APOB: variants seen among roughly 807,000 people sequenced by gnomAD.
APOB encodes apolipoprotein B, also known as apolipoprotein B-100.
In APOB, 153 loss-of-function variants were observed where a neutral mutation model predicts 314.1. That is an observed-to-expected ratio of 0.49 (90% CI 0.43 to 0.56). The LOEUF (loss-of-function observed/expected upper bound fraction) is 0.56, where lower values mean the gene tolerates loss of function less well. Among genes scored for constraint, APOB ranks in the 20% least tolerant of loss-of-function variants. The pLI is 0.00. For synonymous variants in APOB, 2,087 were observed against 2,036.4 expected (o/e 1.02, Z -0.67); for missense variants, 5,430 against 5,350.7 (o/e 1.01, Z -0.46).
Position 21,012,507 on chromosome 2 carries a change from A to G in APOB, c.4361T>C (p.Ile1454Thr). ...GNNPVSKGLLIFDASSSWGPQ... is the reference protein window; with the variant it reads ...GNNPVSKGLLTFDASSSWGPQ... The stretch of plus-strand genomic sequence containing the variant: ...TCCCCAGGAACTAGATGCATCGAAT[A>G]TTAGTAAACCTTTTGAGACTGGGTT... The change falls in exon 26 of 29, where the codon ATA becomes ACA. Residue 1454 changes from isoleucine (I) to threonine (T), a missense_variant. By Grantham distance (89) the Ile-to-Thr change is moderately conservative (BLOSUM62 -1). This residue lies in a region of APOB where 2,085 missense variants were observed against 2,079.7 expected (regional missense o/e 1.00). Transcript: ENST00000233242. 1 of 1,614,234 alleles carries G rather than the reference A, an allele frequency of 6.2e-7. No homozygotes were observed. The highest frequency in any genetic ancestry group is 1.1e-5 in the South Asian group (1 of 91,080).
At chr2:21,019,985 C>T (rs1006445113) in intron 18 of APOB, 80 bp from the exon 19 acceptor site, 6 of 1,294,564 alleles carry the variant, frequency 4.6e-6, no homozygotes, top group African/African-American at 2.9e-5. Context: ...GGTGCAAATA[C>T]CCCCTTATCC....
chr2:21,022,258 G>A (rs891034195), intron 18 of APOB, among the ~76,000 whole-genome samples: 7 of 152,154 alleles, frequency 4.6e-5, no homozygotes, highest in African/African-American at 9.7e-5. Flanking sequence ...ATGAACCACC[G>A]TGGCTGGCCA....
chr2:21,011,410 T>C lies in APOB; in HGVS notation c.5458A>G (p.Lys1820Glu). ...NNGKLRLEPL[K>E]LHVAGNLKGA... ...TTTAGGTTACCAGCCACATGCAGCT[T>C]CAGGGGTTCTAGCCGTAGTTTCCCA... The change falls in exon 26 of 29, where the codon AAG (lysine) becomes GAG (glutamate). Residue 1820 changes from lysine to glutamate, a missense_variant. By Grantham distance (56) the Lys-to-Glu change is moderately conservative. This residue lies in a region of APOB where 64 missense variants were observed against 99.9 expected (regional missense o/e 0.64). Transcript: ENST00000233242. 6.2e-7 allele frequency: 1 copy of C among 1,614,136 alleles called. No homozygotes were observed. The highest frequency in any genetic ancestry group is 2.2e-5 in the East Asian group (1 of 44,890).
Position 21,007,922 on chromosome 2 carries a change from G to T in APOB, c.8946C>A (p.Asn2982Lys), listed in dbSNP as rs775661185. The change falls in exon 26 of 29, where the codon AAC (asparagine) becomes AAA (lysine). Residue 2982 changes from asparagine to lysine, a missense_variant. Around this residue, in one of 3 missense-constraint regions of APOB, gnomAD observed 3,281 missense variants for 3,171.0 expected, o/e 1.03. Transcript: ENST00000233242. Reference sequence around the variant, plus strand: ...GTGATTGAATTTCAAGTTTAGAAAAGTTGAGGGAGCCAGATTCATAAACCA... The same window carrying T: ...GTGATTGAATTTCAAGTTTAGAAAATTTGAGGGAGCCAGATTCATAAACCA... ...QNLVYESGSL[N>K]FSKLEIQSQV... is the part of the protein sequence containing the mutation. 1 of 1,614,068 alleles carries T rather than the reference G, an allele frequency of 6.2e-7. No homozygotes were observed. The highest frequency in any genetic ancestry group is 8.5e-7 in the Non-Finnish European group (1 of 1,179,952).
Position 21,011,590 on chromosome 2 carries a change from C to T in APOB, c.5278G>A (p.Ala1760Thr). ...GAAGAGAAGTCCAGTGATAAGCCTG[C>T]AATGTTCAGACTGTTTGTGTGGTCA... ...KFDHTNSLNI[A>T]GLSLDFSSKL... Residue 1760 changes from alanine to threonine, a missense_variant, in exon 26 of 29, where the codon GCA becomes ACA. By Grantham distance (58) the Ala-to-Thr change is moderately conservative. Transcript: ENST00000233242. The T allele has an allele frequency of 6.2e-7, 1 of 1,614,170 alleles. No individual in the cohort carries two copies. The highest frequency in any genetic ancestry group is 8.5e-7 in the Non-Finnish European group (1 of 1,180,010).
At chr2:21,037,904 A>G in intron 5 of APOB, 54 bp downstream of exon 5, 1 of 1,604,936 alleles carries the variant, frequency 6.2e-7, no homozygotes, top group Admixed American at 1.7e-5. Flanking sequence ...ACTGGTCTCT[A>G]ACACATGAAG....
rs529168934 is a variant in APOB, at chr2:21,011,481, G to A, written c.5387C>T (p.Thr1796Ile). ...LQLQPYSLVT[T>I]LNSDLKYNAL... Reference sequence around the variant, plus strand: ...ATTGTATTTCAGGTCACTGTTTAAAGTAGTTACCAGAGAATAGGGCTGTAG... The same window carrying A: ...ATTGTATTTCAGGTCACTGTTTAAAATAGTTACCAGAGAATAGGGCTGTAG... The change falls in exon 26 of 29, where the codon ACT becomes ATT. Residue 1796 changes from threonine to isoleucine, a missense_variant. Thr to Ile is a moderately conservative substitution (Grantham distance 89, BLOSUM62 -1). Coordinates refer to ENST00000233242, the MANE Select transcript of APOB (RefSeq NM_000384.3). The A allele has an allele frequency of 1.2e-5, 20 of 1,614,188 alleles. No homozygotes were observed. Among genetic ancestry groups the A allele is most frequent in the Non-Finnish European group, 1.7e-5 (20 of 1,180,024 alleles).
intron 18 of APOB, among the ~76,000 whole-genome samples, chr2:21,022,013 T>G (rs1481649063): frequency 6.6e-6 from 1 of 152,180 alleles, no homozygotes; most frequent in Non-Finnish European, 1.5e-5. Flanking sequence ...TGGAGTGCAG[T>G]GGTGCAAGCA....
chr2:21,043,658 C>A, intron 1 of APOB, 107 bp from the exon 2 acceptor site: 1 of 1,521,462 alleles, frequency 6.6e-7, no homozygotes. Flanking sequence ...AGGAGGGAGG[C>A]AGGCTCCGGA....
Position 21,028,307 on chromosome 2 carries a change from G to T in APOB, c.1829+20C>A. On this transcript the variant is annotated intron_variant, in intron 13 of 28. Transcript: ENST00000233242. ...GCTCAGGGCCCTCAGTGGTATATGG[G>T]GTGAATAGCTCTTACTTACTCTTGG... is the stretch of plus-strand genomic sequence containing the variant. The T allele has an allele frequency of 6.3e-7, 1 of 1,591,590 alleles. No homozygotes were observed. The highest frequency in any genetic ancestry group is 1.7e-5 in the Admixed American group (1 of 59,990).
intron 16 of APOB, chr2:21,024,707 C>A (rs895559727): frequency 1.3e-4 from 89 of 685,076 alleles, no homozygotes; most frequent in Admixed American, 1.3e-3. Context: ...TAAATTAATG[C>A]TCTTAAAAAT....
At position 21,008,952 on chromosome 2, in the gene APOB, A is replaced by G; in HGVS notation, c.7916T>C (p.Ile2639Thr). ...VQINFKDLKN[I>T]KIPSRFSTPE... ...TGTGGAAAACCTGGATGGGATTTTT[A>G]TATTTTTTAAGTCTTTGAAGTTTAT... The change falls in exon 26 of 29, where the codon ATA (isoleucine) becomes ACA (threonine). Residue 2639 changes from isoleucine to threonine, a missense_variant. Around this residue, in one of 3 missense-constraint regions of APOB, gnomAD observed 3,281 missense variants for 3,171.0 expected, o/e 1.03. Transcript: ENST00000233242. The G allele has an allele frequency of 6.2e-7, 1 of 1,614,006 alleles. No homozygotes were observed. The highest frequency in any genetic ancestry group is 1.3e-5 in the African/African-American group (1 of 75,026).
rs1173916995 is a variant in APOB at position 21,011,665 on chromosome 2, C to T, written c.5203G>A (p.Gly1735Arg). The T allele has an allele frequency of 1.2e-6, 2 of 1,614,054 alleles. No individual in the cohort carries two copies. Among genetic ancestry groups the T allele is most frequent in the Non-Finnish European group, 1.7e-6 (2 of 1,180,036 alleles). ...ATCATGTCATTTGAGAGCTTAAGTC[C>T]TTCTTGACTGACCTTGAAGTTGAAA... is the stretch of plus-strand genomic sequence containing the variant. The part of the protein sequence containing the change: ...NIFNFKVSQE[G>R]LKLSNDMMGS... The change falls in exon 26 of 29, where the codon GGA becomes AGA. Residue 1735 changes from glycine to arginine, a missense_variant. Physicochemically the swap from Gly to Arg is moderately radical, Grantham distance 125. This residue lies in a region of APOB where 2,085 missense variants were observed against 2,079.7 expected (regional missense o/e 1.00). Transcript: ENST00000233242.
chr2:21,040,607 C>A (rs1430811423), intron 4 of APOB, among the ~76,000 whole-genome samples: 1 of 152,130 alleles, frequency 6.6e-6, no homozygotes, highest in Non-Finnish European at 1.5e-5. Context: ...CTCTGGGACC[C>A]CACACCAAAG....
intron 18 of APOB, 57 bp from the exon 19 acceptor site, chr2:21,019,962 C>A: frequency 1.3e-6 from 2 of 1,559,182 alleles, no homozygotes; most frequent in Non-Finnish European, 1.8e-6. Flanking sequence ...AAATGGACAT[C>A]ACAAATTCTC....
intron 20 of APOB, among the ~76,000 whole-genome samples, chr2:21,016,974 A>T (rs1464691711): frequency 1.4e-5 from 2 of 143,908 alleles, no homozygotes; most frequent in East Asian, 2.0e-4. Context: ...AAAGAGCGAG[A>T]CTCCATCTCA....
intron 25 of APOB, 116 bp downstream of exon 25, chr2:21,013,044 G>C (rs950396794): frequency 2.4e-5 from 30 of 1,259,614 alleles, no homozygotes; most frequent in Non-Finnish European, 3.2e-5. Context: ...AGACTTCCAA[G>C]TAGCAAGGAA....
Position 21,043,845 on chromosome 2 carries a change from A to C in APOB, c.82+19T>G, listed in dbSNP as rs1304557554. The C allele has an allele frequency of 1.3e-6, 2 of 1,529,494 alleles. No homozygotes were observed. Among genetic ancestry groups the C allele is most frequent in the Non-Finnish European group, 1.7e-6 (2 of 1,143,754 alleles). The allele number at this position is 1,529,494 out of a possible 1,614,324, so 94.7% of individuals were successfully genotyped here. On this transcript the variant is annotated intron_variant, in intron 1 of 28. Coordinates refer to ENST00000233242, the MANE Select transcript of APOB (RefSeq NM_000384.3). Reference sequence around the variant, plus strand: ...TCCCTCCCGCTCCCTCTGCGCCCGCAGAGCGGCCGCGCACTCACCGGCCCT... The same window carrying C: ...TCCCTCCCGCTCCCTCTGCGCCCGCCGAGCGGCCGCGCACTCACCGGCCCT...
chr2:21,036,981 G>A (rs750387418), intron 6 of APOB, 119 bp downstream of exon 6: 437 of 1,280,880 alleles, frequency 3.4e-4, no homozygotes, highest in Non-Finnish European at 4.5e-4. Flanking sequence ...TCTCTAGTCT[G>A]TATAAAAAAC....
Sources: allele counts gnomAD v4.1 joint callset (sites outside exome capture counted in the v4.1 genomes callset), GRCh38; gene constraint gnomAD v4.1.1; regional missense constraint gnomAD v4.1.1; transcripts MANE v1.5; gene names NCBI Gene and HGNC (gene_info 2026-07-23, HGNC 2026-07-21).